The following TMEM232 variants were observed in gnomAD, a reference collection of about 807,000 sequenced individuals.
TMEM232 encodes the protein transmembrane protein 232.
Under a neutral mutation model 78.8 loss-of-function variants are expected in TMEM232, and 80 were observed. The ratio of observed to expected loss-of-function variants is 1.01; its 90% CI spans 0.85 to 1.22. The LOEUF is 1.22. Ranked by LOEUF, TMEM232 falls within the 50% of genes most tolerant of loss-of-function variation. The pLI, the probability that TMEM232 is intolerant of heterozygous loss-of-function variation, is 0.00. For missense variants in TMEM232, 881 were observed against 742.2 expected (o/e 1.19, Z -2.17); for synonymous variants, 297 against 254.3 (o/e 1.17, Z -1.60).
intron 12 of TMEM232, among the ~76,000 whole-genome samples, chr5:110,470,538 G>T (rs1031445924): frequency 7.9e-5 from 12 of 151,960 alleles, no homozygotes; most frequent in Non-Finnish European, 4.4e-5. Context: ...TCCCCATTGT[G>T]GGAAATAAAA....
chr5:110,680,921 G>A (rs887503447), intron 1 of TMEM232, among the ~76,000 whole-genome samples: 3 of 151,958 alleles, frequency 2.0e-5, no homozygotes, highest in Non-Finnish European at 1.5e-5. Flanking sequence ...TATGGGTAGG[G>A]GTAGAGAAGA....
intron 10 of TMEM232, among the ~76,000 whole-genome samples, chr5:110,587,685 ATATATATGTGTGTGTGTGTGTGTG>A (rs1230030070): frequency 7.7e-5 from 7 of 90,646 alleles, no homozygotes; most frequent in African/African-American, 2.2e-4. Flanking sequence ...ATATATATAT[ATATATATGTGTGTGTGTGTGTGTG>A]TGTGTGTGTG....
intron 12 of TMEM232, among the ~76,000 whole-genome samples, chr5:110,525,951 G>A (rs1770520233): frequency 2.0e-5 from 3 of 146,350 alleles, no homozygotes; most frequent in Admixed American, 6.8e-5. Context: ...AATTGTTAAG[G>A]GAAGATGGAT....
intron 3 of TMEM232, among the ~76,000 whole-genome samples, chr5:110,392,087 T>G (rs561890582): frequency 6.6e-6 from 1 of 152,232 alleles, no homozygotes; most frequent in Admixed American, 6.5e-5. Context: ...TCTAATGGTA[T>G]TGCTATTGCA....
intron 11 of TMEM232, among the ~76,000 whole-genome samples, chr5:110,537,160 C>G (rs569210996): frequency 6.6e-6 from 1 of 152,230 alleles, no homozygotes; most frequent in Admixed American, 6.5e-5. Context: ...GGCAACTCTT[C>G]ATCTATTCCA....
Position 110,568,622 on chromosome 5 carries a change from T to C in TMEM232, c.1280A>G (p.Asp427Gly), listed in dbSNP as rs1487544406. 7.2e-6 allele frequency: 11 copies of C among 1,529,388 alleles called. No homozygotes were observed. Among genetic ancestry groups the C allele is most frequent in the African/African-American group, 7.0e-5 (5 of 71,452 alleles). 94.7% of individuals were successfully genotyped at this position (1,529,388 alleles called of 1,614,324 possible). A position where few individuals can be genotyped will look rare whatever the true frequency, so the allele number is the denominator to read the frequency against. ...YFSSKMSENC[D>G]QVVWTGYYGL... ...ATAGTAACCAGTCCAGACTACTTGA[T>C]CACCTGTTTAAAAAGAAAAAGTCTT... The change falls in exon 11 of 14, where the codon GAT becomes GGT. Residue 427 changes from aspartate to glycine, a missense_variant. Coordinates refer to ENST00000455884, the MANE Select transcript of TMEM232 (RefSeq NM_001039763.4).
chr5:110,554,317 T>C (rs756842310), intron 11 of TMEM232, among the ~76,000 whole-genome samples: 44 of 152,120 alleles, frequency 2.9e-4, no homozygotes, highest in Non-Finnish European at 3.5e-4. Context: ...TGCTGGATGC[T>C]TTCTGCCCCC....
At chr5:110,736,000 T>G (rs759081306) in intron 1 of TMEM232, among the ~76,000 whole-genome samples, 6 of 152,202 alleles carry the variant, frequency 3.9e-5, no homozygotes, top group Non-Finnish European at 7.3e-5. Context: ...AATTTTTAAA[T>G]TACAGAAACT....
intron 4 of TMEM232, among the ~76,000 whole-genome samples, chr5:110,640,158 T>C (rs1363159013): frequency 6.6e-6 from 1 of 152,198 alleles, no homozygotes; most frequent in Non-Finnish European, 1.5e-5. Context: ...TCATTTAAAT[T>C]CTTAATAGAG....
intron 2 of TMEM232, among the ~76,000 whole-genome samples, chr5:110,406,487 T>C (rs1384987981): frequency 6.6e-6 from 1 of 151,972 alleles, no homozygotes; most frequent in Admixed American, 6.6e-5. Flanking sequence ...ATGGTAGTGC[T>C]CAAATTAAAA....
chr5:110,516,213 T>C (rs982646164), intron 12 of TMEM232, among the ~76,000 whole-genome samples: 3 of 152,244 alleles, frequency 2.0e-5, no homozygotes, highest in East Asian at 1.9e-4. Context: ...CACTTCAGCC[T>C]GGGCAACAGA....
At chr5:110,618,363 G>T (rs1783206701) in intron 8 of TMEM232, 66 bp downstream of exon 8, 3 of 1,529,084 alleles carry the variant, frequency 2.0e-6, no homozygotes, top group South Asian at 1.2e-5. Context: ...AGGTACAAGG[G>T]TTATTTAACA....
intron 7 of TMEM232, 99 bp from the exon 8 acceptor site, chr5:110,618,661 A>G: frequency 1.7e-6 from 2 of 1,190,026 alleles, no homozygotes; most frequent in Non-Finnish European, 2.3e-6. Context: ...TAAATATACA[A>G]ATGAAAATGC....
Position 110,656,611 on chromosome 5 carries a change from G to A in TMEM232, c.125+10617C>T, listed in dbSNP as rs751510773. Among the ~76,000 whole-genome samples the A allele has an allele frequency of 5.3e-5, 8 of 152,080 alleles. No homozygotes were observed. The South Asian group carries it at 1.2e-3, about 24-fold the overall frequency. On this transcript the variant is annotated intron_variant, in intron 2 of 13. Transcript: ENST00000455884. ...TCCCAGCACTTTGGGAGGCTGAGGC[G>A]GGAGGATCACGAGGTCAGGAGATCG...
intron 8 of TMEM232, 115 bp downstream of exon 8, chr5:110,618,314 A>C: frequency 1.7e-5 from 22 of 1,304,660 alleles, no homozygotes; most frequent in Non-Finnish European, 2.2e-5. Context: ...CTGAGATTAT[A>C]AATTTGTTTC....
chr5:110,485,552 T>C (rs1007763481), intron 12 of TMEM232, among the ~76,000 whole-genome samples: 1 of 152,186 alleles, frequency 6.6e-6, no homozygotes, highest in African/African-American at 2.4e-5. Flanking sequence ...AGTGAGAACA[T>C]ACAATGTTTG....
intron 12 of TMEM232, among the ~76,000 whole-genome samples, chr5:110,491,900 G>T (rs530574103): frequency 8.6e-5 from 13 of 151,808 alleles, no homozygotes; most frequent in Admixed American, 2.0e-4. Context: ...ATTATAAATA[G>T]AGATTACTAT....
At chr5:110,530,013 C>T (rs887356640) in intron 11 of TMEM232, among the ~76,000 whole-genome samples, 1 of 152,118 alleles carries the variant, frequency 6.6e-6, no homozygotes, top group African/African-American at 2.4e-5. Flanking sequence ...ACTCAGGATT[C>T]ATTTTAGATT....
At chr5:110,602,687 T>A (rs1030764805) in intron 10 of TMEM232, among the ~76,000 whole-genome samples, 1 of 152,174 alleles carries the variant, frequency 6.6e-6, no homozygotes, top group Non-Finnish European at 1.5e-5. Flanking sequence ...GCTTTTACAC[T>A]GTTGGTGGGA....
Sources: allele counts gnomAD v4.1 joint callset (sites outside exome capture counted in the v4.1 genomes callset), GRCh38; gene constraint gnomAD v4.1.1; transcripts MANE v1.5; gene names NCBI Gene and HGNC (gene_info 2026-07-23, HGNC 2026-07-21).